The following FBXO9 variants were observed in gnomAD, a reference collection of about 807,000 sequenced individuals.
FBXO9 encodes F-box only protein 9.
In FBXO9, 43 loss-of-function variants were observed where a neutral mutation model predicts 63.7. The ratio of observed to expected loss-of-function variants is 0.67; its 90% CI spans 0.53 to 0.87. The LOEUF (loss-of-function observed/expected upper bound fraction) is 0.87. Ranked by LOEUF, FBXO9 falls within the 40% of genes least tolerant of loss-of-function variation. The pLI is 0.00. For synonymous variants in FBXO9, 156 were observed against 171.7 expected (o/e 0.91, Z 0.72); for missense variants, 442 against 533.2 (o/e 0.83, Z 1.68).
intron 2 of FBXO9, among the ~76,000 whole-genome samples, chr6:53,072,901 T>G (rs919245946): frequency 6.6e-6 from 1 of 152,082 alleles, no homozygotes; most frequent in Admixed American, 6.6e-5. Context: ...GTTTGTATTT[T>G]TAGTAGAGAC....
intron 10 of FBXO9, 44 bp from the exon 11 acceptor site, chr6:53,093,841 C>A: frequency 1.4e-6 from 2 of 1,392,290 alleles, no homozygotes; most frequent in South Asian, 1.3e-5. Flanking sequence ...TACTTAAATC[C>A]ACTTAATAAC....
In FBXO9 at chr6:53,100,412, CTG is replaced by C; in HGVS notation, c.*2586_*2587del. On this transcript the variant is annotated 3_prime_UTR_variant, in exon 13 of 13. Coordinates refer to ENST00000323557, the MANE Select transcript of FBXO9 (RefSeq NM_033480.3). ...AATTACATTTCAGATCGTGCTGGAACTGTGTTCAGAAGATATCCTCAGAGGGA... is the reference window on the plus strand; with the variant it reads ...AATTACATTTCAGATCGTGCTGGAACTGTTCAGAAGATATCCTCAGAGGGA... The C allele has an allele frequency of 6.6e-6, 1 of 152,338 alleles. No homozygotes were observed. Among genetic ancestry groups the C allele is most frequent in the South Asian group, 2.1e-4 (1 of 4,830 alleles). The allele number at this position is 152,338 out of a possible 1,614,324, so 9.4% of individuals were successfully genotyped here.
chr6:53,090,174 G>A (rs143763306), intron 7 of FBXO9, among the ~76,000 whole-genome samples: 45 of 152,318 alleles, frequency 3.0e-4, no homozygotes, highest in Non-Finnish European at 6.3e-4. Context: ...AGATGTCCTT[G>A]TAGAAGTATT....
At chr6:53,066,464 C>T (rs1349520915) in intron 1 of FBXO9, among the ~76,000 whole-genome samples, 1 of 152,188 alleles carries the variant, frequency 6.6e-6, no homozygotes, top group Non-Finnish European at 1.5e-5. Context: ...TAGTCTCTGC[C>T]CTATGCCTTT....
intron 7 of FBXO9, among the ~76,000 whole-genome samples, chr6:53,086,946 G>A (rs1295533883): frequency 6.6e-6 from 1 of 151,996 alleles, no homozygotes; most frequent in East Asian, 1.9e-4. Flanking sequence ...CTACTTGGGA[G>A]GCTAAGGCAG....
Position 53,095,587 on chromosome 6 carries a change from G to T in FBXO9, c.1128G>T (p.Gly376=). 6.2e-7 allele frequency: 1 copy of T among 1,613,630 alleles called. No homozygotes were observed. The highest frequency in any genetic ancestry group is 8.5e-7 in the Non-Finnish European group (1 of 1,179,716). ...AAGCAGATCAGAGTTTTCATGTGGG[G>T]CTACAGCTATGTTCCAGTGGTCACC... is the stretch of plus-strand genomic sequence containing the variant. ...VQEADQSFHV[G]LQLCSSGHQR... is the part of the protein sequence containing the mutation. The change falls in exon 12 of 13, where the codon GGG becomes GGT. Residue 376 remains glycine (G), a synonymous_variant. Coordinates refer to ENST00000323557, the MANE Select transcript of FBXO9 (RefSeq NM_033480.3).
chr6:53,081,184 A>T, intron 6 of FBXO9, 86 bp downstream of exon 6: 1 of 1,318,448 alleles, frequency 7.6e-7, no homozygotes, highest in East Asian at 2.3e-5. Flanking sequence ...AATTTGCCAG[A>T]TAACTGCTGC....
Position 53,065,659 on chromosome 6 carries a change from C to T in FBXO9, c.-131C>T. On this transcript the variant is annotated 5_prime_UTR_variant, in exon 1 of 13. The change creates a premature stop within an existing upstream ORF in the 5' untranslated region. Coordinates refer to ENST00000323557, the MANE Select transcript of FBXO9 (RefSeq NM_033480.3). The stretch of plus-strand genomic sequence containing the variant: ...CCGCTGCCTGGTGCGCTTCTCCGAC[C>T]GAGAACTCTGCTAAGCTCCGCTGCA... 8.7e-7 allele frequency: 1 copy of T among 1,145,122 alleles called. No individual in the cohort carries two copies. The highest frequency in any genetic ancestry group is 1.1e-6 in the Non-Finnish European group (1 of 878,366). The allele number at this position is 1,145,122 out of a possible 1,614,324, so 70.9% of individuals were successfully genotyped here. A position where few individuals can be genotyped will look rare whatever the true frequency, so the allele number is the denominator to read the frequency against.
chr6:53,073,846 G>A (rs1303573501), intron 3 of FBXO9: 1 of 384,618 alleles, frequency 2.6e-6, no homozygotes, highest in African/African-American at 2.0e-5. Context: ...CTCCTGCATG[G>A]CTTTTTTCTC....
intron 2 of FBXO9, among the ~76,000 whole-genome samples, chr6:53,073,229 T>A (rs1768978581): frequency 6.6e-6 from 1 of 152,214 alleles, no homozygotes; most frequent in Non-Finnish European, 1.5e-5. Context: ...AATTTGGTTT[T>A]CCAATATAAT....
chr6:53,065,560 G>GCCA lies in FBXO9; in HGVS notation c.-227_-225dup, dbSNP rs1418865593. The stretch of plus-strand genomic sequence containing the variant: ...ACTCCCCGAGTCCCCGGCAGCCGCC[G>GCCA]CCACCCCAGCGCGCCCCGATCTGGC... On this transcript the variant is annotated 5_prime_UTR_variant, in exon 1 of 13. Transcript: ENST00000323557. The GCCA allele has an allele frequency of 2.3e-6, 1 of 431,314 alleles. No individual in the cohort carries two copies. Among genetic ancestry groups the GCCA allele is most frequent in the Non-Finnish European group, 3.9e-6 (1 of 255,620 alleles). The allele number at this position is 431,314 out of a possible 1,614,324, so 26.7% of individuals were successfully genotyped here. A position where few individuals can be genotyped will look rare whatever the true frequency, so the allele number is the denominator to read the frequency against.
chr6:53,095,525 TATAA>T lies in FBXO9; in HGVS notation c.1070_1073del (p.Lys357ThrfsTer69). ...TTTTCTTTTGCAGAAACCACTTGAC[TATAA>T]ATACAGATATTTTCGTCGTGTCCCT... is the stretch of plus-strand genomic sequence containing the variant. On this transcript the variant is annotated frameshift_variant, in exon 12 of 13. Transcript: ENST00000323557. LOFTEE classifies it high-confidence loss of function. The T allele has an allele frequency of 1.2e-6, 2 of 1,611,018 alleles. No individual in the cohort carries two copies. The highest frequency in any genetic ancestry group is 8.5e-7 in the Non-Finnish European group (1 of 1,178,920).
At chr6:53,095,081 T>C (rs527975644) in intron 11 of FBXO9, among the ~76,000 whole-genome samples, 6 of 152,360 alleles carry the variant, frequency 3.9e-5, no homozygotes, top group African/African-American at 1.2e-4. Context: ...CTCTGTGCTT[T>C]TTCAGCATCC....
intron 4 of FBXO9, among the ~76,000 whole-genome samples, chr6:53,078,463 AAG>A (rs1487212402): frequency 2.0e-5 from 3 of 152,230 alleles, no homozygotes; most frequent in East Asian, 3.8e-4. Flanking sequence ...TGTCTTAAAA[AAG>A]AGAGAAGTAT....
chr6:53,075,888 C>T (rs9474382), intron 3 of FBXO9, among the ~76,000 whole-genome samples: 12,195 of 151,306 alleles, frequency 0.081, 1,265 homozygotes, highest in African/African-American at 0.24. Flanking sequence ...AGACTGTAGA[C>T]GTGTGCCACC....
At chr6:53,076,010 C>T (rs1769095889) in intron 3 of FBXO9, among the ~76,000 whole-genome samples, 1 of 152,038 alleles carries the variant, frequency 6.6e-6, no homozygotes, top group South Asian at 2.1e-4. Context: ...TCCCAAAGTG[C>T]TGGGATTACA....
chr6:53,086,467 A>T (rs1762890253), intron 7 of FBXO9, among the ~76,000 whole-genome samples: 1 of 152,228 alleles, frequency 6.6e-6, no homozygotes, highest in Admixed American at 6.5e-5. Context: ...GTTGCCAAAA[A>T]GATAAAGAAA....
rs575651264 is a variant in FBXO9 at position 53,084,707 on chromosome 6, A to G, written c.653+2089A>G. Reference sequence around the variant, plus strand: ...TTTTTAGTTGGCGTGTTGTAGTCCAATCCTGGAGGAAACTAGGAGAATTCA... The same window carrying G: ...TTTTTAGTTGGCGTGTTGTAGTCCAGTCCTGGAGGAAACTAGGAGAATTCA... On this transcript the variant is annotated intron_variant, in intron 7 of 12. Transcript: ENST00000323557. Among the ~76,000 whole-genome samples the G allele has an allele frequency of 4.6e-5, 7 of 152,338 alleles. No homozygotes were observed. The South Asian group carries it at 1.2e-3, about 27-fold the overall frequency.
chr6:53,066,231 C>A, intron 1 of FBXO9: 2 of 850,604 alleles, frequency 2.4e-6, no homozygotes, highest in Non-Finnish European at 2.8e-6. Context: ...GCGGAAAAGC[C>A]AGGCCCACCG....
Sources: allele counts gnomAD v4.1 joint callset (sites outside exome capture counted in the v4.1 genomes callset), GRCh38; gene constraint gnomAD v4.1.1; transcripts MANE v1.5; gene names NCBI Gene and HGNC (gene_info 2026-07-23, HGNC 2026-07-21).